NT5C2: variants seen among roughly 807,000 people sequenced by gnomAD.
NT5C2 encodes the protein 5'-nucleotidase, cytosolic II, also known as cytosolic purine 5'-nucleotidase.
NT5C2 carries 58 observed loss-of-function variants against 76.1 expected under a neutral mutation model. The observed-to-expected ratio is 0.76, with a 90% CI of 0.62 to 0.95. The LOEUF (loss-of-function observed/expected upper bound fraction) is 0.95. Among genes scored for constraint, NT5C2 ranks in the 40% least tolerant of loss-of-function variants. NT5C2 has a pLI of 0.00. For synonymous variants in NT5C2, 229 were observed against 237.4 expected, an observed-to-expected ratio of 0.96 and a Z score of 0.32; for missense variants, 478 against 690.3, an observed-to-expected ratio of 0.69 and a Z score of 3.45.
intron 3 of NT5C2, among the ~76,000 whole-genome samples, chr10:103,172,460 G>A (rs1047247770): frequency 2.5e-4 from 38 of 151,792 alleles, no homozygotes; most frequent in Non-Finnish European, 5.0e-4. Context: ...TGTTAGCCAG[G>A]AAGGTCTCGA....
intron 4 of NT5C2, among the ~76,000 whole-genome samples, chr10:103,121,777 C>G (rs2075720479): frequency 6.6e-6 from 1 of 152,078 alleles, no homozygotes; most frequent in Admixed American, 6.5e-5. Context: ...ATGATATGGC[C>G]TAGAAAGGAG....
rs529475926 is a variant in NT5C2, at chr10:103,153,626, G to A, written c.102-14147C>T. The A allele has an allele frequency of 3.3e-3, 3,276 of 985,328 alleles. 7 individuals are homozygous for A. The highest frequency in any genetic ancestry group is 3.7e-3 in the Non-Finnish European group (3,066 of 829,874). The allele number at this position is 985,328 out of a possible 1,614,324, so 61.0% of individuals were successfully genotyped here. On this transcript the variant is annotated intron_variant, in intron 3 of 18. Transcript: ENST00000404739. Reference sequence around the variant, plus strand: ...CAAGTTCCTGTAAGAGACAGGAATCGTTACTGGCAAACACAGAAAAAGCAA... The same window carrying A: ...CAAGTTCCTGTAAGAGACAGGAATCATTACTGGCAAACACAGAAAAAGCAA...
At chr10:103,181,153 T>G (rs1311791506) in intron 2 of NT5C2, 32 bp downstream of exon 2, 1 of 151,836 alleles carries the variant, frequency 6.6e-6, no homozygotes, top group Non-Finnish European at 1.5e-5. Context: ...ATGTTAAAAT[T>G]TATTATATAC....
At chr10:103,106,846 T>C in intron 4 of NT5C2, 140 bp from the exon 5 acceptor site, 1 of 660,890 alleles carries the variant, frequency 1.5e-6, no homozygotes, top group Non-Finnish European at 2.7e-6. Flanking sequence ...TCAAACTCCA[T>C]GTTCTGTATT....
At chr10:103,102,216 T>A (rs1301283710) in intron 6 of NT5C2, among the ~76,000 whole-genome samples, 3 of 152,072 alleles carry the variant, frequency 2.0e-5, no homozygotes, top group Admixed American at 2.0e-4. Context: ...GAATATAGGC[T>A]TGTATAGCAG....
chr10:103,096,754 G>T (rs753788181), intron 11 of NT5C2, among the ~76,000 whole-genome samples: 4 of 145,832 alleles, frequency 2.7e-5, no homozygotes, highest in Admixed American at 2.1e-4. Context: ...GCTGAGGCAG[G>T]AGAATTGCTT....
chr10:103,138,964 G>A (rs947936368), intron 4 of NT5C2, among the ~76,000 whole-genome samples: 14 of 151,714 alleles, frequency 9.2e-5, no homozygotes, highest in African/African-American at 2.7e-4. Context: ...CCAAGATCGC[G>A]CCATTGCACT....
At chr10:103,158,815 T>C (rs2084045835) in intron 3 of NT5C2, among the ~76,000 whole-genome samples, 4 of 122,326 alleles carry the variant, frequency 3.3e-5, no homozygotes, top group Middle Eastern at 4.5e-3. Context: ...GAGACTCTTA[T>C]CTAAAAAAAA....
Position 103,090,699 on chromosome 10 carries a change from A to G in NT5C2, c.1361T>C (p.Val454Ala), listed in dbSNP as rs1431600760. ...GSRQTLFASQ[V>A]MRYADLYAAS... ...TGCATAGAGGTCAGCATAACGCATC[A>G]CTTGACTGGCAAAAAGGGTCTGCCG... is the stretch of plus-strand genomic sequence containing the variant. The change falls in exon 18 of 19, where the codon GTG becomes GCG. Residue 454 changes from valine (V) to alanine (A), a missense_variant. By Grantham distance (64) the Val-to-Ala change is moderately conservative. Transcript: ENST00000404739. The G allele has an allele frequency of 6.2e-7, 1 of 1,614,220 alleles. No homozygotes were observed. The highest frequency in any genetic ancestry group is 1.3e-5 in the African/African-American group (1 of 75,056).
intron 4 of NT5C2, among the ~76,000 whole-genome samples, chr10:103,125,870 T>C (rs879306258): frequency 6.6e-6 from 1 of 152,166 alleles, no homozygotes; most frequent in Non-Finnish European, 1.5e-5. Context: ...AATTCAGAAA[T>C]AGTATAGATT....
At chr10:103,169,652 T>C (rs1487569958) in intron 3 of NT5C2, among the ~76,000 whole-genome samples, 1 of 151,980 alleles carries the variant, frequency 6.6e-6, no homozygotes, top group Non-Finnish European at 1.5e-5. Context: ...AGCAAATTCT[T>C]GCAAGATACC....
intron 6 of NT5C2, chr10:103,105,430 A>C: frequency 1.4e-6 from 1 of 740,030 alleles, no homozygotes; most frequent in Non-Finnish European, 1.9e-6. Context: ...AAATAAGTCA[A>C]AACTACTAAA....
chr10:103,124,260 C>T (rs2076263475), intron 4 of NT5C2, among the ~76,000 whole-genome samples: 1 of 151,798 alleles, frequency 6.6e-6, no homozygotes. Flanking sequence ...AAATCTATTT[C>T]CTTCAGCACA....
chr10:103,091,257 C>G (rs529952138), intron 16 of NT5C2, among the ~76,000 whole-genome samples: 1 of 152,204 alleles, frequency 6.6e-6, no homozygotes, highest in South Asian at 2.1e-4. Flanking sequence ...TCAGGCTGGT[C>G]TCAAACTTCT....
chr10:103,145,085 G>T lies in NT5C2; in HGVS notation c.102-5606C>A, dbSNP rs535839550. Among the ~76,000 whole-genome samples, 256 of 152,286 alleles carry T rather than the reference G, an allele frequency of 1.7e-3. 1 individual carries two copies. Among genetic ancestry groups the T allele is most frequent in the African/African-American group, 5.8e-3 (239 of 41,552 alleles). On this transcript the variant is annotated intron_variant, in intron 3 of 18. Coordinates refer to ENST00000404739, the MANE Select transcript of NT5C2 (RefSeq NM_001351169.2). ...TTAAATCTAATTTGTTGTATGAATAGCTGAAGTGCATAAGCAAAGCTATAA... is the reference window on the plus strand; with the variant it reads ...TTAAATCTAATTTGTTGTATGAATATCTGAAGTGCATAAGCAAAGCTATAA...
chr10:103,153,722 T>C (rs1456115582), intron 3 of NT5C2: 2 of 985,234 alleles, frequency 2.0e-6, no homozygotes, highest in Non-Finnish European at 2.4e-6. Context: ...GCAGCCCTGG[T>C]CGGTCAAAAT....
chr10:103,092,573 G>C (rs1312027069), intron 15 of NT5C2, among the ~76,000 whole-genome samples: 1 of 152,214 alleles, frequency 6.6e-6, no homozygotes, highest in African/African-American at 2.4e-5. Flanking sequence ...GCGCATCAAG[G>C]CTGGCTGGAG....
chr10:103,187,783 T>C (rs1169760519), intron 1 of NT5C2, among the ~76,000 whole-genome samples: 1 of 152,152 alleles, frequency 6.6e-6, no homozygotes, highest in Admixed American at 6.6e-5. Flanking sequence ...GATTCTAATA[T>C]GACTGCTATA....
intron 1 of NT5C2, among the ~76,000 whole-genome samples, chr10:103,186,549 G>T (rs549027373): frequency 6.6e-6 from 1 of 152,166 alleles, no homozygotes; most frequent in Non-Finnish European, 1.5e-5. Context: ...CTCAGACCTA[G>T]AGAGAATTAA....
Sources: allele counts gnomAD v4.1 joint callset (sites outside exome capture counted in the v4.1 genomes callset), GRCh38; gene constraint gnomAD v4.1.1; transcripts MANE v1.5; gene names NCBI Gene and HGNC (gene_info 2026-07-23, HGNC 2026-07-21).